NEGR1: variants seen among roughly 807,000 people sequenced by gnomAD.
NEGR1 encodes the protein IgLON family member 4.
NEGR1 carries 10 observed loss-of-function variants against 40.9 expected under a neutral mutation model. The ratio of observed to expected loss-of-function variants is 0.24; its 90% CI spans 0.15 to 0.42. The LOEUF (loss-of-function observed/expected upper bound fraction) is 0.42. NEGR1 is among the 10% of genes least tolerant of loss of function. The probability of loss-of-function intolerance (pLI) is 1.00; values close to 1 mark genes in which losing one functional copy is unlikely to be tolerated. For missense variants in NEGR1, 352 were observed against 438.9 expected, an observed-to-expected ratio of 0.80 and a Z score of 1.77; for synonymous variants, 185 against 166.8, an observed-to-expected ratio of 1.11 and a Z score of -0.84.
intron 3 of NEGR1, among the ~76,000 whole-genome samples, chr1:71,732,743 T>C (rs1654924868): frequency 6.6e-6 from 1 of 152,172 alleles, no homozygotes; most frequent in Admixed American, 6.6e-5. Context: ...AATGTTCAAT[T>C]TTCTCTTTAT....
intron 4 of NEGR1, 21 bp from the exon 5 acceptor site, chr1:71,611,167 C>T: frequency 6.2e-7 from 1 of 1,604,878 alleles, no homozygotes. Flanking sequence ...AACAAACAAA[C>T]AAATACTAGT....
intron 6 of NEGR1, among the ~76,000 whole-genome samples, chr1:71,425,522 C>T (rs1256234742): frequency 3.3e-5 from 5 of 152,098 alleles, no homozygotes; most frequent in Admixed American, 2.6e-4. Context: ...TCATCATCCA[C>T]TTATAAATCC....
chr1:71,438,750 G>A (rs920088897), intron 6 of NEGR1, among the ~76,000 whole-genome samples: 2 of 152,216 alleles, frequency 1.3e-5, no homozygotes, highest in Admixed American at 1.3e-4. Flanking sequence ...TATCGAAAGT[G>A]AGATGGGGCC....
chr1:72,090,793 G>A (rs1349805308), intron 1 of NEGR1, among the ~76,000 whole-genome samples: 1 of 152,128 alleles, frequency 6.6e-6, no homozygotes, highest in Non-Finnish European at 1.5e-5. Context: ...GTAAACTAGA[G>A]AGCTGTGGGG....
intron 6 of NEGR1, among the ~76,000 whole-genome samples, chr1:71,476,635 C>T (rs1646822705): frequency 6.6e-6 from 1 of 152,044 alleles, no homozygotes; most frequent in Non-Finnish European, 1.5e-5. Flanking sequence ...TTTAGGTGAC[C>T]AACTGTGTCT....
In NEGR1 at chr1:72,255,551, T is replaced by C. The variant is rs577902743; in HGVS notation, c.176+26768A>G. Reference sequence around the variant, plus strand: ...TATGGTTTATCAAAAATACTTCTTTTTTTTTTTTTTTTTTTGAGATGGAGT... The same window carrying C: ...TATGGTTTATCAAAAATACTTCTTTCTTTTTTTTTTTTTTTGAGATGGAGT... On this transcript the variant is annotated intron_variant, in intron 1 of 6. Coordinates refer to ENST00000357731, the MANE Select transcript of NEGR1 (RefSeq NM_173808.3). 2.9e-5 allele frequency among the ~76,000 whole-genome samples: 4 copies of C among 139,234 alleles called. No individual in the cohort carries two copies. In the East Asian group the frequency reaches 7.8e-4, roughly 27 times the overall value. 91.3% of individuals were successfully genotyped at this position (139,234 alleles called of 152,430 possible). A position where few individuals can be genotyped will look rare whatever the true frequency, so the allele number is the denominator to read the frequency against.
In NEGR1 at chr1:72,111,083, TATACACAC is replaced by T. The variant is rs1383317089; in HGVS notation, c.176+171228_176+171235del. Among the ~76,000 whole-genome samples, 507 of 90,442 alleles carry T rather than the reference TATACACAC, an allele frequency of 5.6e-3. 3 individuals carry two copies. Among genetic ancestry groups the T allele is most frequent in the African/African-American group, 0.014 (476 of 34,048 alleles). The allele number at this position is 90,442 out of a possible 152,430, so 59.3% of individuals were successfully genotyped here. A position where few individuals can be genotyped will look rare whatever the true frequency, so the allele number is the denominator to read the frequency against. ...AGATATATACATACACATATATATA[TATACACAC>T]ACACACACACACACACACACGTATA... On this transcript the variant is annotated intron_variant, in intron 1 of 6. Coordinates refer to ENST00000357731, the MANE Select transcript of NEGR1 (RefSeq NM_173808.3).
intron 2 of NEGR1, among the ~76,000 whole-genome samples, chr1:71,911,368 T>C (rs987827456): frequency 1.3e-5 from 2 of 152,204 alleles, no homozygotes; most frequent in Non-Finnish European, 2.9e-5. Context: ...ACTTAAAACC[T>C]GGCTCTATTA....
intron 2 of NEGR1, among the ~76,000 whole-genome samples, chr1:71,902,656 T>C (rs1661172505): frequency 6.6e-6 from 1 of 152,142 alleles, no homozygotes; most frequent in South Asian, 2.1e-4. Flanking sequence ...TGATAAATCA[T>C]TAACTTCAGG....
intron 1 of NEGR1, among the ~76,000 whole-genome samples, chr1:72,120,184 T>C (rs1649743024): frequency 6.6e-6 from 1 of 151,986 alleles, no homozygotes; most frequent in African/African-American, 2.4e-5. Flanking sequence ...TGAAAAATTT[T>C]TCATAAATAT....
At chr1:72,162,528 T>C (rs1468432697) in intron 1 of NEGR1, among the ~76,000 whole-genome samples, 1 of 152,026 alleles carries the variant, frequency 6.6e-6, no homozygotes, top group Non-Finnish European at 1.5e-5. Flanking sequence ...ACTTACACCA[T>C]TGCCCTAAGT....
chr1:71,433,903 T>C (rs1475246234), intron 6 of NEGR1, among the ~76,000 whole-genome samples: 1 of 152,202 alleles, frequency 6.6e-6, no homozygotes, highest in African/African-American at 2.4e-5. Context: ...ACAGAAACAA[T>C]TGGGAATATG....
chr1:71,969,755 A>G lies in NEGR1; in HGVS notation c.177-34444T>C, dbSNP rs1557461208. On this transcript the variant is annotated intron_variant, in intron 1 of 6. Coordinates refer to ENST00000357731, the MANE Select transcript of NEGR1 (RefSeq NM_173808.3). ...TTCCCAGCTGCTTGTGGGAAGCCCA[A>G]ATGTGTTTCCTCCTTGAGAAGCATT... Among the ~76,000 whole-genome samples, 2 of 152,186 alleles carry G rather than the reference A, an allele frequency of 1.3e-5. 1 individual carries two copies. Among genetic ancestry groups the G allele is most frequent in the East Asian group, 3.9e-4 (2 of 5,184 alleles).
chr1:71,858,498 G>A (rs1659849436), intron 2 of NEGR1, among the ~76,000 whole-genome samples: 1 of 151,964 alleles, frequency 6.6e-6, no homozygotes, highest in Non-Finnish European at 1.5e-5. Context: ...GATAGTGATG[G>A]AGAGTCCTAT....
intron 6 of NEGR1, among the ~76,000 whole-genome samples, chr1:71,546,976 T>G (rs1647919250): frequency 6.6e-6 from 1 of 151,698 alleles, no homozygotes; most frequent in African/African-American, 2.4e-5. Context: ...TGGACCATAA[T>G]GAAGTAAAAG....
At chr1:71,658,309 T>C (rs2101588257) in intron 4 of NEGR1, among the ~76,000 whole-genome samples, 1 of 152,264 alleles carries the variant, frequency 6.6e-6, no homozygotes, top group East Asian at 1.9e-4. Context: ...GATTATATTC[T>C]AAATAAAATG....
At chr1:71,709,014 C>T (rs926848737) in intron 3 of NEGR1, among the ~76,000 whole-genome samples, 3 of 152,128 alleles carry the variant, frequency 2.0e-5, no homozygotes, top group African/African-American at 7.2e-5. Context: ...AGGTTGATTC[C>T]ATGACTTTGC....
intron 6 of NEGR1, among the ~76,000 whole-genome samples, chr1:71,530,178 G>A (rs549581604): frequency 2.0e-5 from 3 of 151,376 alleles, no homozygotes; most frequent in Admixed American, 6.6e-5. Context: ...AGCAGTAAAT[G>A]GGGTAGTTTG....
At chr1:71,650,128 A>C (rs1651662832) in intron 4 of NEGR1, among the ~76,000 whole-genome samples, 1 of 152,160 alleles carries the variant, frequency 6.6e-6, no homozygotes, top group Non-Finnish European at 1.5e-5. Flanking sequence ...AAATAAAAAG[A>C]AATGAAAAGA....
Sources: gnomAD v4.1 joint callset for allele counts (sites outside exome capture counted in the v4.1 genomes callset) on GRCh38, gnomAD v4.1.1 for gene constraint, MANE v1.5 for transcripts, NCBI Gene and HGNC (gene_info 2026-07-23, HGNC 2026-07-21) for gene names.